Variants in GEN1 observed in about 807,000 individuals in gnomAD.
GEN1 encodes the protein flap endonuclease GEN homolog 1.
GEN1 carries 64 observed loss-of-function variants against 67.6 expected under a neutral mutation model. The observed-to-expected ratio is 0.95, with a 90% CI of 0.77 to 1.17. The LOEUF (loss-of-function observed/expected upper bound fraction) is 1.17. GEN1 is among the 50% of genes most tolerant of loss of function. The pLI, the probability that GEN1 is intolerant of heterozygous loss-of-function variation, is 0.00. For synonymous variants in GEN1, 371 were observed against 359.4 expected (o/e 1.03, Z -0.37); for missense variants, 1,058 against 1,048.3 (o/e 1.01, Z -0.13).
intron 1 of GEN1, chr2:17,755,321 C>G (rs1462277957): frequency 6.6e-6 from 1 of 152,180 alleles, no homozygotes; most frequent in Non-Finnish European, 1.5e-5. Flanking sequence ...AGCTTGCTTT[C>G]TTACCTCTTA....
chr2:17,778,091 C>T (rs1227897392), intron 12 of GEN1, 28 bp downstream of exon 12: 5 of 1,264,798 alleles, frequency 4.0e-6, no homozygotes. Context: ...GCAAAATATT[C>T]CATTTATAAT....
chr2:17,762,773 G>T (rs1289465712), intron 3 of GEN1, among the ~76,000 whole-genome samples: 6 of 152,104 alleles, frequency 3.9e-5, no homozygotes, highest in Non-Finnish European at 8.8e-5. Context: ...GTTTTCTTGT[G>T]ATTTGAAATT....
chr2:17,766,179 T>C (rs1558399800), intron 4 of GEN1, among the ~76,000 whole-genome samples: 1 of 152,214 alleles, frequency 6.6e-6, no homozygotes, highest in African/African-American at 2.4e-5. Context: ...ACTTTTTTTC[T>C]TTTTTTGAGA....
Position 17,781,183 on chromosome 2 carries a change from A to G in GEN1, c.1971A>G (p.Glu657=), listed in dbSNP as rs300168. The change falls in exon 14 of 14, where the codon GAA becomes GAG. Residue 657 remains glutamate, a synonymous_variant. Transcript: ENST00000381254. ...AGGATTCTGATGGGATTAGTCCTGA[A>G]GAGCATCTACTTTCTGGCATTACTG... ...LDEDSDGISP[E]EHLLSGITDL... 0.54 allele frequency: 871,721 copies of G among 1,612,856 alleles called. 246,767 individuals are homozygous for G. Among genetic ancestry groups the G allele is most frequent in the East Asian group, 0.9 (40,565 of 44,844 alleles).
Position 17,781,981 on chromosome 2 carries a change from T to A in GEN1, c.*42T>A. Reference sequence around the variant, plus strand: ...GTATAACTTAACTATTTTAGTACTATCAGCAATAGCAGAGACAGAGGGAAG... The same window carrying A: ...GTATAACTTAACTATTTTAGTACTAACAGCAATAGCAGAGACAGAGGGAAG... On this transcript the variant is annotated 3_prime_UTR_variant, in exon 14 of 14. Transcript: ENST00000381254. The A allele has an allele frequency of 9.1e-7, 1 of 1,101,636 alleles. No individual in the cohort carries two copies. Among genetic ancestry groups the A allele is most frequent in the Non-Finnish European group, 1.3e-6 (1 of 763,968 alleles). 68.2% of individuals were successfully genotyped at this position (1,101,636 alleles called of 1,614,324 possible).
At chr2:17,773,957 A>G (rs1672311506) in intron 10 of GEN1, among the ~76,000 whole-genome samples, 1 of 152,106 alleles carries the variant, frequency 6.6e-6, no homozygotes, top group Non-Finnish European at 1.5e-5. Context: ...ATTGCATGTA[A>G]TCTCAATCTT....
At chr2:17,780,162 T>C in intron 13 of GEN1, 41 bp downstream of exon 13, 1 of 1,545,072 alleles carries the variant, frequency 6.5e-7, no homozygotes, top group African/African-American at 1.4e-5. Context: ...CACATGCAAA[T>C]GTTATAGAAG....
intron 1 of GEN1, chr2:17,755,588 A>C (rs1265109337): frequency 1.3e-5 from 2 of 152,224 alleles, no homozygotes; most frequent in African/African-American, 4.8e-5. Flanking sequence ...ATAATCTTGC[A>C]TTGAAATAGT....
chr2:17,778,246 ATG>A (rs1672574181), intron 12 of GEN1, among the ~76,000 whole-genome samples, 183 bp downstream of exon 12: 1 of 131,404 alleles, frequency 7.6e-6, no homozygotes, highest in African/African-American at 3.1e-5. Flanking sequence ...GTGTACATAT[ATG>A]TATACACACA....
chr2:17,775,239 T>G (rs951356712), intron 11 of GEN1, among the ~76,000 whole-genome samples: 1 of 152,124 alleles, frequency 6.6e-6, no homozygotes, highest in Non-Finnish European at 1.5e-5. Context: ...ATATAAAAAG[T>G]GAACTATTAG....
In GEN1 at chr2:17,787,232, TC is replaced by T. The variant is rs1673088236; in HGVS notation, c.*5294del. ...TCATCAGAGTATTTATCACATTCAT[TC>T]ATTCGTTCCACAAATATTAGCTGAT... On this transcript the variant is annotated 3_prime_UTR_variant, in exon 14 of 14. Transcript: ENST00000381254. The T allele has an allele frequency of 6.6e-6, 1 of 152,264 alleles. No homozygotes were observed. Among genetic ancestry groups the T allele is most frequent in the South Asian group, 2.1e-4 (1 of 4,838 alleles). The allele number at this position is 152,264 out of a possible 1,614,324, so 9.4% of individuals were successfully genotyped here.
Position 17,773,254 on chromosome 2 carries a change from G to A in GEN1, c.1026G>A (p.Leu342=). 1 of 1,602,124 alleles carries A rather than the reference G, an allele frequency of 6.2e-7. No individual in the cohort carries two copies. The highest frequency in any genetic ancestry group is 8.5e-7 in the Non-Finnish European group (1 of 1,172,614). Residue 342 remains leucine (L), a synonymous_variant, in exon 10 of 14, where the codon TTG becomes TTA. Transcript: ENST00000381254. ...AATTCCTTTTAAACAAGGATAAATT[G>A]GTGAAGGTTATCAGGTACCAAAGAC... ...IQEFLLNKDK[L]VKVIRYQRPD...
At position 17,772,774 on chromosome 2, in the gene GEN1, A is replaced by G. The variant is rs1204216263; in HGVS notation, c.943A>G (p.Asn315Asp). The G allele has an allele frequency of 1.2e-6, 2 of 1,606,128 alleles. No individual in the cohort carries two copies. Among genetic ancestry groups the G allele is most frequent in the Non-Finnish European group, 1.7e-6 (2 of 1,176,532 alleles). ...HDRQLSEVEN[N>D]IKKKACCCEG... is the part of the protein sequence containing the mutation. ...TAGGCAACTCAGTGAAGTAGAGAAC[A>G]ATATTAAGAAGTAAGTTTTTTTAAA... Residue 315 changes from asparagine (N) to aspartate (D), a missense_variant, in exon 8 of 14, where the codon AAT becomes GAT. Coordinates refer to ENST00000381254, the MANE Select transcript of GEN1 (RefSeq NM_001130009.3).
Position 17,778,200 on chromosome 2 carries a change from A to ATGTG in GEN1, c.1264+138_1264+139insGTGT, listed in dbSNP as rs1491060576. 7.0e-4 allele frequency: 267 copies of ATGTG among 381,686 alleles called. 2 individuals are homozygous for ATGTG. Among genetic ancestry groups the ATGTG allele is most frequent in the East Asian group, 2.1e-3 (43 of 20,610 alleles). 23.6% of individuals were successfully genotyped at this position (381,686 alleles called of 1,614,324 possible). A position where few individuals can be genotyped will look rare whatever the true frequency, so the allele number is the denominator to read the frequency against. ...TATATATATATATACACACACACAT[A>ATGTG]TATGTGTATATATATGTATACACAC... On this transcript the variant is annotated intron_variant, in intron 12 of 13. Coordinates refer to ENST00000381254, the MANE Select transcript of GEN1 (RefSeq NM_001130009.3).
chr2:17,762,063 G>A (rs187106549), intron 3 of GEN1, among the ~76,000 whole-genome samples: 270 of 151,198 alleles, frequency 1.8e-3, no homozygotes, highest in Non-Finnish European at 7.7e-4. Context: ...AAAAACTGTC[G>A]TTACATTATA....
At chr2:17,762,074 ATATAT>A (rs1351016615) in intron 3 of GEN1, among the ~76,000 whole-genome samples, 1 of 151,788 alleles carries the variant, frequency 6.6e-6, no homozygotes, top group Non-Finnish European at 1.5e-5. Flanking sequence ...TTACATTATA[ATATAT>A]TATTTATATG....
At chr2:17,767,201 T>TAAGAG (rs1671973722) in intron 5 of GEN1, among the ~76,000 whole-genome samples, 1 of 152,224 alleles carries the variant, frequency 6.6e-6, no homozygotes, top group Non-Finnish European at 1.5e-5. Flanking sequence ...AGATGCACAA[T>TAAGAG]CTAGTGCTCT....
At chr2:17,761,356 GTGTT>G (rs1671666359) in intron 2 of GEN1, 36 bp from the exon 3 acceptor site, 2 of 1,111,268 alleles carry the variant, frequency 1.8e-6, no homozygotes, top group East Asian at 2.5e-5. Flanking sequence ...TTTACTATCA[GTGTT>G]TGATGATTAA....
intron 3 of GEN1, among the ~76,000 whole-genome samples, chr2:17,763,396 A>G (rs145351676): frequency 5.3e-4 from 81 of 152,320 alleles, no homozygotes; most frequent in Admixed American, 1.6e-3. Flanking sequence ...ATCTCTTCTT[A>G]AGAAAATTGC....
Sources: gnomAD v4.1 joint callset for allele counts (sites outside exome capture counted in the v4.1 genomes callset) on GRCh38, gnomAD v4.1.1 for gene constraint, MANE v1.5 for transcripts, NCBI Gene and HGNC (gene_info 2026-07-23, HGNC 2026-07-21) for gene names.